TMEM67: variants seen among roughly 807,000 people sequenced by gnomAD.
TMEM67 encodes transmembrane protein 67.
TMEM67 carries 124 observed loss-of-function variants against 136.6 expected under a neutral mutation model. The observed-to-expected ratio is 0.91, with a 90% CI of 0.78 to 1.05. TMEM67 has a LOEUF of 1.05. Ranked by LOEUF, TMEM67 falls within the 50% of genes least tolerant of loss-of-function variation. TMEM67 has a pLI of 0.00. For synonymous variants in TMEM67, 364 were observed against 390.5 expected, an observed-to-expected ratio of 0.93 and a Z score of 0.80; for missense variants, 1,107 against 1,178.4, an observed-to-expected ratio of 0.94 and a Z score of 0.89.
intron 3 of TMEM67, chr8:93,759,336 A>G (rs1812718317): frequency 6.6e-6 from 1 of 151,788 alleles, no homozygotes; most frequent in Non-Finnish European, 1.5e-5. Flanking sequence ...GGTGGCATGC[A>G]CCTGTAGTCC....
chr8:93,786,569 C>G (rs1242667248), intron 13 of TMEM67, among the ~76,000 whole-genome samples: 1 of 152,044 alleles, frequency 6.6e-6, no homozygotes, highest in Non-Finnish European at 1.5e-5. Context: ...CATTATAGGT[C>G]CCACTCTAGA....
downstream of TMEM67, among the ~76,000 whole-genome samples, chr8:93,819,594 T>A (rs975247413): frequency 6.6e-6 from 1 of 152,080 alleles, no homozygotes; most frequent in Non-Finnish European, 1.5e-5. Flanking sequence ...GGGTGTGATA[T>A]AAGGAAAGCT....
At chr8:93,829,382 CTGTGTG>C in the TMEM67 span, among the ~76,000 whole-genome samples, 19 of 137,598 alleles carry the variant, frequency 1.4e-4, no homozygotes, top group South Asian at 1.9e-3. Flanking sequence ...CTCTCTCTCT[CTGTGTG>C]TGTGTGTGTG....
chr8:93,789,487 AATACAAAATCAGCCAGGC>A (rs1329529407), intron 14 of TMEM67, among the ~76,000 whole-genome samples: 1 of 151,538 alleles, frequency 6.6e-6, no homozygotes, highest in African/African-American at 2.4e-5. Context: ...CTCTACTAAA[AATACAAAATCAGCCAGGC>A]ATGGTGGCGC....
intron 7 of TMEM67, among the ~76,000 whole-genome samples, chr8:93,777,682 C>T (rs1228637751): frequency 6.6e-6 from 1 of 152,136 alleles, no homozygotes; most frequent in Admixed American, 6.5e-5. Flanking sequence ...TTTCTTAACC[C>T]TGAGTTCTAA....
At chr8:93,802,180 A>C (rs186644551) in intron 21 of TMEM67, among the ~76,000 whole-genome samples, 121 of 152,286 alleles carry the variant, frequency 7.9e-4, no homozygotes, top group African/African-American at 2.7e-3. Context: ...CAGGACCCAG[A>C]AGCCTGTCCT....
intron 16 of TMEM67, chr8:93,795,187 G>A (rs1161944223): frequency 1.7e-6 from 1 of 594,024 alleles, no homozygotes. Context: ...GATGAGAAGA[G>A]TTGAAAGAAG....
At chr8:93,783,913 G>A (rs1331579448) in intron 11 of TMEM67, among the ~76,000 whole-genome samples, 2 of 152,164 alleles carry the variant, frequency 1.3e-5, no homozygotes, top group Non-Finnish European at 2.9e-5. Context: ...CATGACACAT[G>A]GGGATTATGG....
chr8:93,823,710 C>G (rs563672050), downstream of TMEM67, among the ~76,000 whole-genome samples: 210 of 152,164 alleles, frequency 1.4e-3, 1 homozygote, highest in African/African-American at 4.9e-3. Context: ...CAGAATTGAC[C>G]AGATTCGAAA....
In TMEM67 at chr8:93,780,829, G is replaced by T. The variant is rs781773194; in HGVS notation, c.870-45G>T. 2.8e-5 allele frequency: 44 copies of T among 1,587,452 alleles called. No individual in the cohort carries two copies. The Middle Eastern group carries it at 8.5e-4, about 31-fold the overall frequency. On this transcript the variant is annotated intron_variant, in intron 8 of 27. Transcript: ENST00000453321. Reference sequence around the variant, plus strand: ...ATATATTCACAAATACTAATAATAAGAAATATTTATTCTCCATTATTAAAA... The same window carrying T: ...ATATATTCACAAATACTAATAATAATAAATATTTATTCTCCATTATTAAAA...
rs1475329745 is a variant in TMEM67 at position 93,816,596 on chromosome 8, T to C, written c.*144T>C. The C allele has an allele frequency of 1.9e-6, 1 of 535,122 alleles. No individual in the cohort carries two copies. The highest frequency in any genetic ancestry group is 3.4e-6 in the Non-Finnish European group (1 of 295,238). The allele number at this position is 535,122 out of a possible 1,614,324, so 33.1% of individuals were successfully genotyped here. ...TTATTTGCAGAAAGATTTATTTTTA[T>C]AACTTGGGAATATATAACCTGATAT... On this transcript the variant is annotated 3_prime_UTR_variant, in exon 28 of 28. Transcript: ENST00000453321.
Position 93,771,009 on chromosome 8 carries a change from G to A in TMEM67, c.652-1580G>A, listed in dbSNP as rs1272366532. On this transcript the variant is annotated intron_variant, in intron 6 of 27. Transcript: ENST00000453321. Reference sequence around the variant, plus strand: ...CATCCTGGGCAACAAGCGAAATTCCGTCTCAAAAAAAAAAAAAAATATTGA... The same window carrying A: ...CATCCTGGGCAACAAGCGAAATTCCATCTCAAAAAAAAAAAAAAATATTGA... Among the ~76,000 whole-genome samples the A allele has an allele frequency of 7.5e-5, 11 of 147,122 alleles. No homozygotes were observed. The East Asian group carries it at 1.2e-3, about 16-fold the overall frequency.
chr8:93,777,872 T>TGA (rs1563456076), intron 7 of TMEM67, among the ~76,000 whole-genome samples: 1 of 151,992 alleles, frequency 6.6e-6, no homozygotes, highest in Non-Finnish European at 1.5e-5. Flanking sequence ...ATTAGGTCCA[T>TGA]TTGGTGCAGA....
intron 26 of TMEM67, among the ~76,000 whole-genome samples, chr8:93,813,311 T>A (rs546442660): frequency 2.0e-5 from 3 of 152,254 alleles, no homozygotes; most frequent in Admixed American, 1.3e-4. Flanking sequence ...CCCAAGTAGC[T>A]GGGATTACAG....
At chr8:93,804,941 A>T (rs1428913540) in intron 23 of TMEM67, 63 bp downstream of exon 23, 4 of 971,688 alleles carry the variant, frequency 4.1e-6, no homozygotes, top group Non-Finnish European at 6.5e-6. Flanking sequence ...TAAATGCTGG[A>T]TTTGTTTTAA....
chr8:93,783,132 T>A (rs1813923763), intron 11 of TMEM67, among the ~76,000 whole-genome samples: 1 of 152,112 alleles, frequency 6.6e-6, no homozygotes, highest in Non-Finnish European at 1.5e-5. Flanking sequence ...ACAACAGGCA[T>A]GTACCACCAC....
intron 25 of TMEM67, 62 bp downstream of exon 25, chr8:93,809,223 G>A (rs1200286048): frequency 2.1e-6 from 2 of 974,384 alleles, no homozygotes; most frequent in South Asian, 1.3e-5. Flanking sequence ...AAGTTAAGTG[G>A]GAATGTCAAT....
At chr8:93,776,688 C>T (rs1289753042) in intron 7 of TMEM67, among the ~76,000 whole-genome samples, 2 of 152,212 alleles carry the variant, frequency 1.3e-5, no homozygotes, top group East Asian at 3.8e-4. Context: ...AGCCTAGCAT[C>T]CCAGGGATGA....
intron 26 of TMEM67, among the ~76,000 whole-genome samples, chr8:93,811,508 C>A (rs1280519718): frequency 6.6e-6 from 1 of 152,160 alleles, no homozygotes; most frequent in East Asian, 1.9e-4. Flanking sequence ...GAATTTCACT[C>A]TATCCTGTAA....
Sources: allele counts gnomAD v4.1 joint callset (sites outside exome capture counted in the v4.1 genomes callset), GRCh38; gene constraint gnomAD v4.1.1; transcripts MANE v1.5; gene names NCBI Gene and HGNC (gene_info 2026-07-23, HGNC 2026-07-21).